ATR: variants seen among roughly 807,000 people sequenced by gnomAD.
The protein encoded by ATR is serine/threonine-protein kinase ATR.
Under a neutral mutation model 305.3 loss-of-function variants are expected in ATR, and 142 were observed. The observed-to-expected ratio is 0.47, with a 90% CI of 0.41 to 0.53. The LOEUF is 0.53. Ranked by LOEUF, ATR falls within the 20% of genes least tolerant of loss-of-function variation. The pLI, the probability that ATR is intolerant of heterozygous loss-of-function variation, is 0.00. For missense variants in ATR, 2,135 were observed against 3,133.1 expected (o/e 0.68, Z 7.60); for synonymous variants, 1,050 against 1,068.1 (o/e 0.98, Z 0.33).
intron 24 of ATR, among the ~76,000 whole-genome samples, chr3:142,515,845 T>A (rs1476053384): frequency 6.6e-6 from 1 of 152,190 alleles, no homozygotes; most frequent in African/African-American, 2.4e-5. Context: ...AACACACTGA[T>A]TACCAAACTC....
chr3:142,561,596 C>G (rs563493385), intron 4 of ATR, among the ~76,000 whole-genome samples, 175 bp from the exon 5 acceptor site: 1 of 152,060 alleles, frequency 6.6e-6, no homozygotes, highest in Non-Finnish European at 1.5e-5. Flanking sequence ...TATATATAGA[C>G]TATGGTTCTA....
At chr3:142,452,878 T>C (rs2070823055) in intron 46 of ATR, 2 of 1,334,228 alleles carry the variant, frequency 1.5e-6, no homozygotes, top group African/African-American at 3.0e-5. Flanking sequence ...CTCATAACTG[T>C]GAATTGTCTA....
chr3:142,477,489 T>G (rs1348498750), intron 36 of ATR, among the ~76,000 whole-genome samples: 1 of 152,302 alleles, frequency 6.6e-6, no homozygotes, highest in South Asian at 2.1e-4. Context: ...CTGGATTCGG[T>G]TTGCCAGTAT....
intron 23 of ATR, among the ~76,000 whole-genome samples, chr3:142,522,255 C>CA (rs897199635): frequency 6.6e-6 from 1 of 152,190 alleles, no homozygotes; most frequent in Admixed American, 6.5e-5. Flanking sequence ...GCACACCTGA[C>CA]AGACTATAGT....
chr3:142,497,573 T>TAATA (rs35792072), intron 32 of ATR, among the ~76,000 whole-genome samples: 27,280 of 148,916 alleles, frequency 0.18, 2,615 homozygotes, highest in East Asian at 0.27. Context: ...TCCCTTAAAA[T>TAATA]AATAAATAAA....
At chr3:142,559,914 T>C (rs1270678724) in intron 6 of ATR, among the ~76,000 whole-genome samples, 1 of 152,172 alleles carries the variant, frequency 6.6e-6, no homozygotes, top group African/African-American at 2.4e-5. Flanking sequence ...AAACACTGGG[T>C]TTTGAGTTGT....
At chr3:142,528,303 G>A (rs1231211384) in intron 21 of ATR, among the ~76,000 whole-genome samples, 1 of 152,072 alleles carries the variant, frequency 6.6e-6, no homozygotes, top group African/African-American at 2.4e-5. Context: ...GAATAACATG[G>A]TAGTCTCCTC....
rs950088103 is a variant in ATR, at chr3:142,470,200, A to G, written c.6222-17T>C. ...TGTAGAGATCTGCAATTATATAGAC[A>G]AGAAACACTATTAGCATAGCTGTCA... On this transcript the variant is annotated splice_polypyrimidine_tract_variant and intron_variant, in intron 36 of 46. Coordinates refer to ENST00000350721, the MANE Select transcript of ATR (RefSeq NM_001184.4). 1 of 1,533,680 alleles carries G rather than the reference A, an allele frequency of 6.5e-7. No individual in the cohort carries two copies. The highest frequency in any genetic ancestry group is 9.0e-7 in the Non-Finnish European group (1 of 1,110,720).
intron 16 of ATR, among the ~76,000 whole-genome samples, chr3:142,545,928 T>C (rs997208396): frequency 2.6e-5 from 4 of 152,098 alleles, no homozygotes; most frequent in African/African-American, 9.7e-5. Context: ...GAACATATTA[T>C]ATTTGGAATT....
At chr3:142,485,104 A>G in intron 36 of ATR, 36 bp downstream of exon 36, 2 of 1,611,042 alleles carry the variant, frequency 1.2e-6, no homozygotes, top group Non-Finnish European at 1.7e-6. Flanking sequence ...TCATCCTTAC[A>G]TATTTAATCT....
intron 18 of ATR, among the ~76,000 whole-genome samples, chr3:142,539,407 C>T (rs1356362550): frequency 6.6e-6 from 1 of 152,002 alleles, no homozygotes; most frequent in Admixed American, 6.6e-5. Context: ...TAGATGCCAA[C>T]TTGAAGGGAT....
chr3:142,572,740 G>A (rs2035315806), intron 1 of ATR, among the ~76,000 whole-genome samples: 1 of 151,972 alleles, frequency 6.6e-6, no homozygotes, highest in South Asian at 2.1e-4. Context: ...CTGCACTCCA[G>A]CCTCGGTGAC....
intron 36 of ATR, among the ~76,000 whole-genome samples, chr3:142,478,381 C>T (rs1022631775): frequency 1.3e-5 from 2 of 152,036 alleles, no homozygotes; most frequent in African/African-American, 4.8e-5. Flanking sequence ...TTGTTCAGTT[C>T]CCATGCAGTT....
chr3:142,523,468 A>G (rs1447563750), intron 22 of ATR, among the ~76,000 whole-genome samples: 2 of 152,150 alleles, frequency 1.3e-5, no homozygotes, highest in African/African-American at 2.4e-5. Context: ...TGCATTCTGT[A>G]GAGCCCAAGA....
chr3:142,542,569 G>T (rs1486864203), intron 17 of ATR, 96 bp downstream of exon 17: 2 of 1,135,010 alleles, frequency 1.8e-6, no homozygotes, highest in Non-Finnish European at 1.3e-6. Flanking sequence ...GTCATATTTG[G>T]TTATTTCTCA....
At chr3:142,479,181 A>C (rs1422433990) in intron 36 of ATR, among the ~76,000 whole-genome samples, 3 of 152,068 alleles carry the variant, frequency 2.0e-5, no homozygotes, top group African/African-American at 7.3e-5. Flanking sequence ...TCTTCCTAGC[A>C]TCGATGGTCT....
At chr3:142,523,516 G>A (rs138705323) in intron 22 of ATR, among the ~76,000 whole-genome samples, 57 of 152,112 alleles carry the variant, frequency 3.7e-4, no homozygotes, top group Non-Finnish European at 6.9e-4. Flanking sequence ...TTTAATATAC[G>A]CATATAGTAT....
chr3:142,457,545 G>C, intron 45 of ATR, 59 bp downstream of exon 45: 1 of 1,602,736 alleles, frequency 6.2e-7, no homozygotes, highest in Non-Finnish European at 8.5e-7. Context: ...AACATATGTA[G>C]GGGCCAATAA....
At chr3:142,571,311 C>A (rs1217966576) in intron 1 of ATR, among the ~76,000 whole-genome samples, 3 of 151,980 alleles carry the variant, frequency 2.0e-5, no homozygotes, top group Non-Finnish European at 4.4e-5. Context: ...GCTGAAAACA[C>A]AAAAATCAGC....
Sources: allele counts gnomAD v4.1 joint callset (sites outside exome capture counted in the v4.1 genomes callset), GRCh38; gene constraint gnomAD v4.1.1; transcripts MANE v1.5; gene names NCBI Gene and HGNC (gene_info 2026-07-23, HGNC 2026-07-21).